DEDD2: variants seen among roughly 807,000 people sequenced by gnomAD.
The protein encoded by DEDD2 is death effector domain containing 2.
A neutral mutation model predicts 28.9 loss-of-function variants in DEDD2; 18 were observed. The observed-to-expected ratio is 0.62, with a 90% CI of 0.43 to 0.92. DEDD2 has a LOEUF of 0.92. Ranked by LOEUF, DEDD2 falls within the 40% of genes least tolerant of loss-of-function variation. The pLI is 0.00. For synonymous variants in DEDD2, 211 were observed against 206.1 expected (o/e 1.02, Z -0.20); for missense variants, 411 against 463.3 (o/e 0.89, Z 1.04).
chr19:42,209,733 C>A lies in DEDD2; in HGVS notation c.556G>T (p.Ala186Ser). ...PAAPQQQSEP[A>S]RPSSEGKVTC... The stretch of plus-strand genomic sequence containing the variant: ...ACTTTGCCTTCAGAGGAAGGTCTGG[C>A]GGGCTCTGACTGCTGCTGGGGTGCG... The change falls in exon 4 of 5, where the codon GCC (alanine) becomes TCC (serine). Residue 186 changes from alanine (A) to serine (S), a missense_variant. Ala to Ser is a moderately conservative substitution (Grantham distance 99). Transcript: ENST00000596251. 2 of 1,607,388 alleles carry A rather than the reference C, an allele frequency of 1.2e-6. No homozygotes were observed. Among genetic ancestry groups the A allele is most frequent in the Non-Finnish European group, 1.7e-6 (2 of 1,177,088 alleles).
chr19:42,214,288 TCTA>T (rs2035878401), intron 3 of DEDD2, among the ~76,000 whole-genome samples: 1 of 152,118 alleles, frequency 6.6e-6, no homozygotes, highest in African/African-American at 2.4e-5. Context: ...AAACCTCATC[TCTA>T]CTAAAAATAC....
rs866378076 is a variant in DEDD2, at chr19:42,213,057, G to A, written c.448+2076C>T. 5.3e-5 allele frequency among the ~76,000 whole-genome samples: 8 copies of A among 152,318 alleles called. No individual in the cohort carries two copies. The South Asian group carries it at 1.7e-3, about 32-fold the overall frequency. ...GAAAAACAGCTGATTCTAGGGTGCG[G>A]AAGGGAAAGTTCAAAGTCAGCCCAG... On this transcript the variant is annotated intron_variant, in intron 3 of 4. Transcript: ENST00000596251.
At chr19:42,200,217 C>G (rs914297408) in intron 4 of DEDD2, among the ~76,000 whole-genome samples, 2 of 152,254 alleles carry the variant, frequency 1.3e-5, no homozygotes, top group African/African-American at 4.8e-5. Context: ...CACCCTGCTC[C>G]ATTTTTGTCC....
intron 4 of DEDD2, among the ~76,000 whole-genome samples, chr19:42,205,995 G>T (rs1599762082): frequency 6.6e-6 from 1 of 151,718 alleles, no homozygotes; most frequent in African/African-American, 2.4e-5. Context: ...TGAGGTTGGA[G>T]AATCACTTGA....
chr19:42,220,000 T>C (rs1471200138), upstream of DEDD2: 2 of 152,208 alleles, frequency 1.3e-5, no homozygotes, highest in African/African-American at 4.8e-5. Context: ...AAATGCTCCG[T>C]CTCTTCAGCT....
intron 4 of DEDD2, among the ~76,000 whole-genome samples, chr19:42,206,715 A>G (rs1408663103): frequency 6.6e-6 from 1 of 152,200 alleles, no homozygotes; most frequent in Admixed American, 6.5e-5. Flanking sequence ...TGTCTCAGGC[A>G]GTCGAGAGTT....
chr19:42,214,998 TAA>T (rs973588549), intron 3 of DEDD2, 133 bp downstream of exon 3: 62 of 1,214,620 alleles, frequency 5.1e-5, no homozygotes, highest in Middle Eastern at 2.9e-4. Flanking sequence ...TCTGTAGCAA[TAA>T]ACACACACAC....
intron 4 of DEDD2, among the ~76,000 whole-genome samples, chr19:42,206,345 C>T (rs1348730664): frequency 6.6e-6 from 1 of 152,096 alleles, no homozygotes; most frequent in Non-Finnish European, 1.5e-5. Flanking sequence ...TCCTCTCCAT[C>T]GGGAACACCC....
At chr19:42,217,067 G>A (rs755230655) in intron 1 of DEDD2, 22 bp from the exon 2 acceptor site, 9 of 1,497,860 alleles carry the variant, frequency 6.0e-6, no homozygotes, top group Admixed American at 4.0e-5. Flanking sequence ...ACAGCGGGGA[G>A]GGGGCAGTGG....
At chr19:42,208,727 A>G (rs2035630738) in intron 4 of DEDD2, among the ~76,000 whole-genome samples, 1 of 152,126 alleles carries the variant, frequency 6.6e-6, no homozygotes, top group African/African-American at 2.4e-5. Context: ...AATGATCTTC[A>G]GTTTCACTGG....
chr19:42,206,249 AC>A (rs1286449265), intron 4 of DEDD2, among the ~76,000 whole-genome samples: 1 of 149,510 alleles, frequency 6.7e-6, no homozygotes, highest in East Asian at 2.0e-4. Flanking sequence ...TCTCCACCCT[AC>A]TCCTCCATTC....
intron 1 of DEDD2, 150 bp from the exon 2 acceptor site, chr19:42,217,195 A>C: frequency 1.6e-6 from 1 of 634,950 alleles, no homozygotes; most frequent in Non-Finnish European, 2.7e-6. Context: ...CCGGGAGGGA[A>C]TGGTCCCGCC....
chr19:42,201,789 C>T (rs2035340211), intron 4 of DEDD2: 3 of 388,604 alleles, frequency 7.7e-6, no homozygotes, highest in Non-Finnish European at 1.4e-5. Flanking sequence ...GCCCCCAGGC[C>T]CTCCCATGGC....
intron 4 of DEDD2, among the ~76,000 whole-genome samples, chr19:42,206,041 G>A (rs958842662): frequency 4.0e-5 from 6 of 149,988 alleles, no homozygotes; most frequent in African/African-American, 1.2e-4. Flanking sequence ...CTGAGACTGC[G>A]CCACTGTGCT....
Position 42,217,044 on chromosome 19 carries a change from G to A in DEDD2, c.-37C>T. On this transcript the variant is annotated splice_region_variant and 5_prime_UTR_variant, in exon 2 of 5. Transcript: ENST00000596251. Reference sequence around the variant, plus strand: ...GGAGGCGGAACAAGCTCAGAACCCGGCCTAGAACCCACACAGCGGGGAGGG... The same window carrying A: ...GGAGGCGGAACAAGCTCAGAACCCGACCTAGAACCCACACAGCGGGGAGGG... 2 of 1,550,034 alleles carry A rather than the reference G, an allele frequency of 1.3e-6. No homozygotes were observed. The highest frequency in any genetic ancestry group is 2.4e-5 in the East Asian group (1 of 41,034).
intron 2 of DEDD2, among the ~76,000 whole-genome samples, chr19:42,215,740 C>A (rs1045857406): frequency 6.6e-6 from 1 of 152,170 alleles, no homozygotes; most frequent in Non-Finnish European, 1.5e-5. Flanking sequence ...CCAAACTAGC[C>A]ACTGCCCCTT....
At chr19:42,215,985 G>A (rs1448155135) in intron 2 of DEDD2, among the ~76,000 whole-genome samples, 2 of 152,086 alleles carry the variant, frequency 1.3e-5, no homozygotes. Context: ...CTCTTCCCTA[G>A]CTTGGGTCCC....
At chr19:42,206,611 G>C (rs1448049420) in intron 4 of DEDD2, among the ~76,000 whole-genome samples, 1 of 152,120 alleles carries the variant, frequency 6.6e-6, no homozygotes, top group Admixed American at 6.6e-5. Flanking sequence ...TGAGAATTCA[G>C]GGCCGAGTAG....
chr19:42,217,046 C>G lies in DEDD2; in HGVS notation c.-38-1G>C. 6.5e-7 allele frequency: 1 copy of G among 1,547,952 alleles called. No individual in the cohort carries two copies. Among genetic ancestry groups the G allele is most frequent in the Non-Finnish European group, 8.7e-7 (1 of 1,144,324 alleles). The stretch of plus-strand genomic sequence containing the variant: ...AGGCGGAACAAGCTCAGAACCCGGC[C>G]TAGAACCCACACAGCGGGGAGGGGG... On this transcript the variant is annotated splice_acceptor_variant, in intron 1 of 4. Transcript: ENST00000596251. LOFTEE classifies it low-confidence loss of function (5UTR_SPLICE).
Sources: allele counts gnomAD v4.1 joint callset (sites outside exome capture counted in the v4.1 genomes callset), GRCh38; gene constraint gnomAD v4.1.1; transcripts MANE v1.5; gene names NCBI Gene and HGNC (gene_info 2026-07-23, HGNC 2026-07-21).